TLL1: variants seen among roughly 807,000 people sequenced by gnomAD.
The protein encoded by TLL1 is tolloid like 1, also known as tolloid-like protein 1.
TLL1 carries 49 observed loss-of-function variants against 128.2 expected under a neutral mutation model. That is an observed-to-expected ratio of 0.38 (90% CI 0.30 to 0.48). The LOEUF (loss-of-function observed/expected upper bound fraction) is 0.48. Ranked by LOEUF, TLL1 falls within the 20% of genes least tolerant of loss-of-function variation. The probability of loss-of-function intolerance (pLI) is 0.96; values close to 1 mark genes in which losing one functional copy is unlikely to be tolerated. For missense variants in TLL1, 1,123 were observed against 1,242.0 expected (o/e 0.90, Z 1.44); for synonymous variants, 454 against 418.8 (o/e 1.08, Z -1.03).
At chr4:165,882,513 C>A (rs1179601868) in intron 1 of TLL1, among the ~76,000 whole-genome samples, 1 of 152,042 alleles carries the variant, frequency 6.6e-6, no homozygotes, top group Non-Finnish European at 1.5e-5. Context: ...AACCTGAATG[C>A]AGTGTAGCTG....
chr4:165,933,423 G>T (rs2110910135), intron 1 of TLL1, among the ~76,000 whole-genome samples: 2 of 152,198 alleles, frequency 1.3e-5, no homozygotes, highest in South Asian at 4.2e-4. Context: ...ATGGGTGTGT[G>T]TCTCAGCTGA....
At chr4:166,054,109 T>C (rs1739888448) in intron 12 of TLL1, among the ~76,000 whole-genome samples, 2 of 152,116 alleles carry the variant, frequency 1.3e-5, no homozygotes, top group Admixed American at 1.3e-4. Context: ...GGAAAGAGAT[T>C]GAGTTTCCCC....
chr4:165,914,622 G>C (rs1732698194), intron 1 of TLL1, among the ~76,000 whole-genome samples: 1 of 152,182 alleles, frequency 6.6e-6, no homozygotes, highest in South Asian at 2.1e-4. Flanking sequence ...ATAGCAAACG[G>C]TATGGAATTC....
chr4:166,084,007 G>A (rs955866332), intron 18 of TLL1, among the ~76,000 whole-genome samples: 3 of 152,040 alleles, frequency 2.0e-5, no homozygotes, highest in Admixed American at 2.0e-4. Context: ...CCCAACAACA[G>A]TATGCAAGGA....
At chr4:166,089,260 C>T (rs551956174) in intron 18 of TLL1, among the ~76,000 whole-genome samples, 2 of 152,198 alleles carry the variant, frequency 1.3e-5, no homozygotes, top group African/African-American at 4.8e-5. Flanking sequence ...AGCCAATTTT[C>T]TCATAGTGGT....
At chr4:166,048,503 G>A (rs947730506) in intron 12 of TLL1, among the ~76,000 whole-genome samples, 2 of 152,166 alleles carry the variant, frequency 1.3e-5, no homozygotes, top group Non-Finnish European at 2.9e-5. Flanking sequence ...TTTAAGACCA[G>A]TATACTGAAG....
At chr4:165,927,776 G>T (rs962808868) in intron 1 of TLL1, among the ~76,000 whole-genome samples, 6 of 151,932 alleles carry the variant, frequency 3.9e-5, no homozygotes, top group African/African-American at 1.5e-4. Flanking sequence ...CTGGAGATGT[G>T]GCTAAATAAC....
intron 16 of TLL1, among the ~76,000 whole-genome samples, chr4:166,071,183 G>A (rs562474377): frequency 6.6e-6 from 1 of 151,936 alleles, no homozygotes; most frequent in South Asian, 2.1e-4. Context: ...TTTTCCTACA[G>A]ATAAGGAAGC....
chr4:165,933,271 A>G (rs958841489), intron 1 of TLL1, among the ~76,000 whole-genome samples: 6 of 152,132 alleles, frequency 3.9e-5, no homozygotes, highest in Non-Finnish European at 8.8e-5. Flanking sequence ...CATAGAGCCC[A>G]GTGTTGTCCT....
rs1374704465 is a variant in TLL1 at position 165,949,959 on chromosome 4, C to A, written c.170-39422C>A. Among the ~76,000 whole-genome samples the A allele has an allele frequency of 2.0e-5, 3 of 152,014 alleles. No homozygotes were observed. In the South Asian group the frequency reaches 6.2e-4, roughly 32 times the overall value. On this transcript the variant is annotated intron_variant, in intron 1 of 20. Transcript: ENST00000061240. Reference sequence around the variant, plus strand: ...ACCACATTAAATGTAAATGATCTAGCCACACCATTAAAAGGCAGAGATGAT... The same window carrying A: ...ACCACATTAAATGTAAATGATCTAGACACACCATTAAAAGGCAGAGATGAT...
At chr4:166,030,690 G>C in intron 9 of TLL1, 1 of 1,090,380 alleles carries the variant, frequency 9.2e-7, no homozygotes, top group Non-Finnish European at 1.2e-6. Flanking sequence ...AACCATTCTT[G>C]TACATGTGGA....
chr4:166,086,572 G>A (rs779829835), intron 18 of TLL1, among the ~76,000 whole-genome samples: 60 of 152,208 alleles, frequency 3.9e-4, no homozygotes, highest in Non-Finnish European at 5.7e-4. Context: ...ACACATGACC[G>A]TTGCAACATG....
intron 1 of TLL1, among the ~76,000 whole-genome samples, chr4:165,895,413 T>C (rs753295120): frequency 1.3e-5 from 2 of 152,052 alleles, no homozygotes; most frequent in African/African-American, 4.8e-5. Context: ...CATTAAAATA[T>C]GTGATTTTAA....
rs746747914 is a variant in TLL1, at chr4:166,099,465, G to A, written c.2845G>A (p.Val949Met). ...EEEADCGYDY[V>M]ELFDGLDSTA... ...AGAAGCAGACTGTGGCTATGACTATGTGGAGCTCTTTGATGGTCTTGATTC... is the reference window on the plus strand; with the variant it reads ...AGAAGCAGACTGTGGCTATGACTATATGGAGCTCTTTGATGGTCTTGATTC... The change falls in exon 20 of 21, where the codon GTG (valine) becomes ATG (methionine). Residue 949 changes from valine to methionine, a missense_variant. Transcript: ENST00000061240. 1.2e-6 allele frequency: 2 copies of A among 1,613,462 alleles called. No homozygotes were observed. Among genetic ancestry groups the A allele is most frequent in the Non-Finnish European group, 1.7e-6 (2 of 1,179,624 alleles).
At chr4:165,959,871 C>T (rs1271893472) in intron 1 of TLL1, among the ~76,000 whole-genome samples, 3 of 152,074 alleles carry the variant, frequency 2.0e-5, no homozygotes, top group Non-Finnish European at 4.4e-5. Flanking sequence ...TAGTACTAAA[C>T]ACCTACCTCA....
At chr4:166,084,069 T>C (rs929468831) in intron 18 of TLL1, among the ~76,000 whole-genome samples, 1 of 152,202 alleles carries the variant, frequency 6.6e-6, no homozygotes, top group African/African-American at 2.4e-5. Context: ...GTGTTTATGA[T>C]AATAGTCATT....
intron 1 of TLL1, among the ~76,000 whole-genome samples, chr4:165,876,949 A>G (rs571472977): frequency 6.6e-6 from 1 of 152,326 alleles, no homozygotes; most frequent in African/African-American, 2.4e-5. Context: ...CTGGTTTGTA[A>G]TGTTTATCAC....
intron 1 of TLL1, among the ~76,000 whole-genome samples, chr4:165,977,953 A>T (rs12504197): frequency 4.6e-5 from 7 of 152,028 alleles, no homozygotes; most frequent in South Asian, 4.2e-4. Context: ...TTGTATTTTT[A>T]GTGTTACTAT....
intron 13 of TLL1, 61 bp from the exon 14 acceptor site, chr4:166,057,122 AT>A: frequency 1.2e-6 from 2 of 1,602,686 alleles, no homozygotes. Flanking sequence ...CAGCCAAACC[AT>A]TTCACATACA....
Sources: gnomAD v4.1 joint callset for allele counts (sites outside exome capture counted in the v4.1 genomes callset) on GRCh38, gnomAD v4.1.1 for gene constraint, MANE v1.5 for transcripts, NCBI Gene and HGNC (gene_info 2026-07-23, HGNC 2026-07-21) for gene names.